The following DUSP29 variants were observed in gnomAD, a reference collection of about 807,000 sequenced individuals.
DUSP29 encodes atypical dual-specific protein phosphatase.
A neutral mutation model predicts 13.5 loss-of-function variants in DUSP29; 12 were observed. The observed-to-expected ratio is 0.89, with a 90% CI of 0.57 to 1.44. The LOEUF (loss-of-function observed/expected upper bound fraction) is 1.44. Among genes scored for constraint, DUSP29 ranks in the 40% most tolerant of loss-of-function variants. The pLI, the probability that DUSP29 is intolerant of heterozygous loss-of-function variation, is 0.00. For missense variants in DUSP29, 308 were observed against 301.1 expected, an observed-to-expected ratio of 1.02 and a Z score of -0.17; for synonymous variants, 134 against 128.7, an observed-to-expected ratio of 1.04 and a Z score of -0.28.
chr10:75,057,380 G>A (rs778059348), intron 2 of DUSP29, among the ~76,000 whole-genome samples: 14 of 152,146 alleles, frequency 9.2e-5, no homozygotes, highest in Non-Finnish European at 1.8e-4. Flanking sequence ...GCTGGAGTCC[G>A]GGAGAGTGGA....
chr10:75,060,480 A>C (rs972596995), intron 1 of DUSP29, among the ~76,000 whole-genome samples: 16 of 152,086 alleles, frequency 1.1e-4, no homozygotes, highest in Non-Finnish European at 2.1e-4. Flanking sequence ...AAAAAAAAAA[A>C]AAAAACCCAA....
intron 1 of DUSP29, among the ~76,000 whole-genome samples, chr10:75,069,684 C>G (rs1172618035): frequency 6.6e-6 from 1 of 152,156 alleles, no homozygotes; most frequent in Admixed American, 6.5e-5. Context: ...AAGGCCTTGG[C>G]TGGACCCAGG....
chr10:75,069,769 C>T lies in DUSP29; in HGVS notation c.-35+3800G>A, dbSNP rs376305000. On this transcript the variant is annotated intron_variant, in intron 1 of 3. Transcript: ENST00000338487. ...AAACCTTGTAGATAGTGGCTGGGCA[C>T]GGTGGTTCACACCTGTAATCCCAGC... 9.9e-4 allele frequency among the ~76,000 whole-genome samples: 151 copies of T among 152,062 alleles called. 2 individuals carry two copies. Among genetic ancestry groups the T allele is most frequent in the East Asian group, 4.6e-3 (24 of 5,168 alleles).
rs866852160 is a variant in DUSP29 at position 75,066,723 on chromosome 10, G to A, written c.-35+6846C>T. On this transcript the variant is annotated intron_variant, in intron 1 of 3. Transcript: ENST00000338487. The stretch of plus-strand genomic sequence containing the variant: ...GCCGAGGCAGGAAGGTGGCCCTCAG[G>A]ACAAGGTCTGACCCTGCTCCTTACA... Among the ~76,000 whole-genome samples, 12 of 152,144 alleles carry A rather than the reference G, an allele frequency of 7.9e-5. No individual in the cohort carries two copies. The South Asian group carries it at 2.3e-3, about 29-fold the overall frequency.
chr10:75,072,301 C>T (rs2134311908), intron 1 of DUSP29, among the ~76,000 whole-genome samples: 1 of 152,304 alleles, frequency 6.6e-6, no homozygotes, highest in Non-Finnish European at 1.5e-5. Flanking sequence ...AACATTCACC[C>T]CTAGACACTG....
At chr10:75,066,958 C>CTTTTTT (rs61298475) in intron 1 of DUSP29, among the ~76,000 whole-genome samples, 3 of 139,586 alleles carry the variant, frequency 2.1e-5, no homozygotes, top group Non-Finnish European at 3.1e-5. Flanking sequence ...TTTTCTTTTT[C>CTTTTTT]TTTTTTTTTT....
intron 1 of DUSP29, among the ~76,000 whole-genome samples, chr10:75,072,013 G>A (rs553596846): frequency 1.3e-5 from 2 of 152,170 alleles, no homozygotes; most frequent in Non-Finnish European, 2.9e-5. Flanking sequence ...GAGAAGAGTC[G>A]GCTGCTGAGT....
intron 2 of DUSP29, among the ~76,000 whole-genome samples, chr10:75,045,733 G>A (rs768392061): frequency 1.1e-4 from 17 of 152,368 alleles, no homozygotes; most frequent in Non-Finnish European, 2.1e-4. Context: ...GGCCCTGCCC[G>A]CCATAGGAAG....
intron 2 of DUSP29, among the ~76,000 whole-genome samples, chr10:75,055,905 A>G (rs775353254): frequency 6.6e-6 from 1 of 152,166 alleles, no homozygotes; most frequent in Non-Finnish European, 1.5e-5. Context: ...ATGTATATAT[A>G]GTATGGGGTT....
intron 3 of DUSP29, among the ~76,000 whole-genome samples, chr10:75,043,053 G>A (rs778057439): frequency 1.3e-5 from 2 of 152,376 alleles, no homozygotes; most frequent in South Asian, 2.1e-4. Flanking sequence ...AGTGCATTCT[G>A]AGCACAAAGA....
At chr10:75,067,211 C>T (rs557205515) in intron 1 of DUSP29, among the ~76,000 whole-genome samples, 11 of 152,236 alleles carry the variant, frequency 7.2e-5, no homozygotes, top group South Asian at 2.1e-4. Context: ...CCTCCTGTCT[C>T]GGCCTTCCAG....
At chr10:75,047,085 T>C (rs542857075) in intron 2 of DUSP29, among the ~76,000 whole-genome samples, 3 of 152,070 alleles carry the variant, frequency 2.0e-5, no homozygotes, top group African/African-American at 7.2e-5. Context: ...CAGGCTGACG[T>C]TGGTTGTGCC....
chr10:75,052,300 CT>C (rs751523419), intron 2 of DUSP29, among the ~76,000 whole-genome samples: 1,993 of 124,892 alleles, frequency 0.016, 23 homozygotes, highest in South Asian at 0.07. Flanking sequence ...CATTTGTCTA[CT>C]TTTTTTTTTT....
chr10:75,040,044 G>T (rs1349125540), intron 3 of DUSP29, among the ~76,000 whole-genome samples: 1 of 152,076 alleles, frequency 6.6e-6, no homozygotes, highest in Non-Finnish European at 1.5e-5. Context: ...CACCAGGTGT[G>T]GTGGTGGGCA....
At chr10:75,064,355 A>G (rs1847151625) in intron 1 of DUSP29, among the ~76,000 whole-genome samples, 1 of 152,144 alleles carries the variant, frequency 6.6e-6, no homozygotes, top group African/African-American at 2.4e-5. Context: ...CAAAAATACA[A>G]AATTTAGCTG....
rs558879874 is a variant in DUSP29, at chr10:75,046,809, A to G, written c.201-2792T>C. Among the ~76,000 whole-genome samples the G allele has an allele frequency of 5.3e-5, 8 of 152,306 alleles. No individual in the cohort carries two copies. In the East Asian group the frequency reaches 1.3e-3, roughly 26 times the overall value. ...CTTTGGGGACGTAGATCTGCGCCCA[A>G]TTAAAGCCGCCGCTAATGCAGTCCA... is the stretch of plus-strand genomic sequence containing the variant. On this transcript the variant is annotated intron_variant, in intron 2 of 3. Transcript: ENST00000338487.
intron 2 of DUSP29, among the ~76,000 whole-genome samples, chr10:75,045,749 T>C (rs1050847042): frequency 3.9e-5 from 6 of 152,176 alleles, no homozygotes; most frequent in Non-Finnish European, 5.9e-5. Context: ...GGAAGGAGTA[T>C]TATTGCAAGT....
chr10:75,042,436 T>G (rs941973307), intron 3 of DUSP29, among the ~76,000 whole-genome samples: 4 of 152,258 alleles, frequency 2.6e-5, no homozygotes, highest in African/African-American at 9.6e-5. Flanking sequence ...TGAGGCAAAT[T>G]TTACCTTGTG....
chr10:75,069,015 T>C (rs568279943), intron 1 of DUSP29, among the ~76,000 whole-genome samples: 4 of 152,320 alleles, frequency 2.6e-5, no homozygotes, highest in African/African-American at 9.6e-5. Flanking sequence ...AGGAGGCAAT[T>C]ATGTGAATTA....
Sources: allele counts gnomAD v4.1 joint callset (sites outside exome capture counted in the v4.1 genomes callset), GRCh38; gene constraint gnomAD v4.1.1; transcripts MANE v1.5; gene names NCBI Gene and HGNC (gene_info 2026-07-23, HGNC 2026-07-21).